Variants in ECT2L observed in about 807,000 individuals in gnomAD.
ECT2L encodes epithelial cell transforming 2 like.
ECT2L carries 126 observed loss-of-function variants against 122.8 expected under a neutral mutation model. That is an observed-to-expected ratio of 1.03 (90% CI 0.89 to 1.19). ECT2L has a LOEUF of 1.19. Ranked by LOEUF, ECT2L falls within the 50% of genes most tolerant of loss-of-function variation. The probability of loss-of-function intolerance (pLI) is 0.00; values close to 1 mark genes in which losing one functional copy is unlikely to be tolerated. For missense variants in ECT2L, 1,012 were observed against 1,064.1 expected, an observed-to-expected ratio of 0.95 and a Z score of 0.68; for synonymous variants, 385 against 381.8, an observed-to-expected ratio of 1.01 and a Z score of -0.10.
intron 1 of ECT2L, among the ~76,000 whole-genome samples, chr6:138,807,944 C>T (rs1307796673): frequency 1.3e-5 from 2 of 151,836 alleles, no homozygotes; most frequent in African/African-American, 2.4e-5. Flanking sequence ...GTCCTGATAT[C>T]AAGTAGAGTA....
At chr6:138,899,145 C>T (rs886322136) in intron 20 of ECT2L, among the ~76,000 whole-genome samples, 1 of 141,458 alleles carries the variant, frequency 7.1e-6, no homozygotes, top group African/African-American at 2.6e-5. Context: ...TTCACAGTGG[C>T]AATACAGAAA....
At chr6:138,893,304 G>A (rs1291313227) in intron 20 of ECT2L, among the ~76,000 whole-genome samples, 1 of 151,622 alleles carries the variant, frequency 6.6e-6, no homozygotes, top group Non-Finnish European at 1.5e-5. Context: ...AGTTGGTTAG[G>A]TTCTAGTACA....
chr6:138,816,258 T>C (rs1347467476), intron 4 of ECT2L, among the ~76,000 whole-genome samples: 1 of 152,192 alleles, frequency 6.6e-6, no homozygotes, highest in Non-Finnish European at 1.5e-5. Flanking sequence ...AGAGATCTTA[T>C]GGTATATTTT....
chr6:138,857,979 A>G (rs1476353325), intron 10 of ECT2L, among the ~76,000 whole-genome samples: 3 of 152,194 alleles, frequency 2.0e-5, no homozygotes, highest in African/African-American at 4.8e-5. Context: ...GAAAAGAGGA[A>G]GCCCCTTATA....
chr6:138,863,861 G>A (rs549888573), intron 11 of ECT2L, among the ~76,000 whole-genome samples: 9 of 151,086 alleles, frequency 6.0e-5, no homozygotes, highest in Non-Finnish European at 1.0e-4. Context: ...TGATCCGCCC[G>A]CCTCAGCCTC....
intron 19 of ECT2L, 62 bp from the exon 20 acceptor site, chr6:138,888,881 G>A (rs1778921579): frequency 1.4e-6 from 1 of 695,898 alleles, no homozygotes; most frequent in Admixed American, 3.1e-5. Context: ...AAAATGGTTT[G>A]CAGTAGTAAT....
intron 5 of ECT2L, among the ~76,000 whole-genome samples, chr6:138,839,869 A>G (rs942024244): frequency 6.6e-6 from 1 of 152,144 alleles, no homozygotes; most frequent in African/African-American, 2.4e-5. Flanking sequence ...ATAGCCTTGA[A>G]TTAATATTAT....
intron 4 of ECT2L, among the ~76,000 whole-genome samples, chr6:138,828,079 C>T (rs1017922820): frequency 1.3e-5 from 2 of 151,996 alleles, no homozygotes; most frequent in African/African-American, 2.4e-5. Context: ...CTATCCCTCC[C>T]CCCACCGCAT....
At chr6:138,800,571 C>T (rs1775508227) in intron 1 of ECT2L, among the ~76,000 whole-genome samples, 1 of 152,154 alleles carries the variant, frequency 6.6e-6, no homozygotes, top group South Asian at 2.1e-4. Flanking sequence ...GTCAAATCTA[C>T]ATTTAATTCA....
At chr6:138,808,300 AG>A (rs1775777005) in intron 1 of ECT2L, among the ~76,000 whole-genome samples, 1 of 152,116 alleles carries the variant, frequency 6.6e-6, no homozygotes, top group African/African-American at 2.4e-5. Flanking sequence ...GCTGGAGTGC[AG>A]GGACAAGATA....
At chr6:138,902,169 G>A (rs1779418120) in intron 21 of ECT2L, among the ~76,000 whole-genome samples, 1 of 152,172 alleles carries the variant, frequency 6.6e-6, no homozygotes, top group Non-Finnish European at 1.5e-5. Context: ...CTAGCTCTTA[G>A]CATCTTTATT....
intron 4 of ECT2L, among the ~76,000 whole-genome samples, chr6:138,828,076 TC>T (rs1403312078): frequency 4.0e-5 from 6 of 151,664 alleles, no homozygotes; most frequent in East Asian, 3.9e-4. Flanking sequence ...ATGCTATCCC[TC>T]CCCCCACCGC....
chr6:138,847,354 ACTTTTTTTTTT>A (rs1777260845), intron 8 of ECT2L, among the ~76,000 whole-genome samples: 1 of 111,016 alleles, frequency 9.0e-6, no homozygotes, highest in African/African-American at 4.0e-5. Context: ...AAAGGCCCAA[ACTTTTTTTTTT>A]TTTTTTTTTT....
At chr6:138,868,811 G>A (rs148110038) in intron 13 of ECT2L, among the ~76,000 whole-genome samples, 2 of 152,310 alleles carry the variant, frequency 1.3e-5, no homozygotes, top group East Asian at 3.9e-4. Flanking sequence ...TCAGAAAATA[G>A]TGAGGAGAGG....
intron 4 of ECT2L, among the ~76,000 whole-genome samples, chr6:138,835,677 TG>T (rs1776810429): frequency 6.6e-6 from 1 of 152,214 alleles, no homozygotes. Context: ...TGTCAATGTG[TG>T]TTTCCTAAAA....
intron 13 of ECT2L, among the ~76,000 whole-genome samples, chr6:138,871,502 G>A (rs1778250115): frequency 6.6e-6 from 1 of 152,136 alleles, no homozygotes; most frequent in Non-Finnish European, 1.5e-5. Flanking sequence ...CACACGGCCT[G>A]CCGTCATTAA....
rs535844392 is a variant in ECT2L at position 138,899,210 on chromosome 6, T to G, written c.2415-1738T>G. Among the ~76,000 whole-genome samples, 9 of 151,690 alleles carry G rather than the reference T, an allele frequency of 5.9e-5. No individual in the cohort carries two copies. In the South Asian group the frequency reaches 1.9e-3, roughly 32 times the overall value. ...GGAAAAAAAGGAGGGGACCCAAGCC[T>G]CTAAACAAAGCAAATGTCCATCAAA... On this transcript the variant is annotated intron_variant, in intron 20 of 21. Transcript: ENST00000541398.
At chr6:138,803,635 TA>T (rs1775617988) in intron 1 of ECT2L, among the ~76,000 whole-genome samples, 2 of 152,128 alleles carry the variant, frequency 1.3e-5, no homozygotes, top group African/African-American at 4.8e-5. Context: ...ATTATTATAA[TA>T]TAGTTTGCCA....
Position 138,900,816 on chromosome 6 carries a change from C to T in ECT2L, c.2415-132C>T, listed in dbSNP as rs1779371487. The T allele has an allele frequency of 4.1e-6, 4 of 984,952 alleles. No individual in the cohort carries two copies. In the South Asian group the frequency reaches 5.3e-5, roughly 13 times the overall value. 61.0% of individuals were successfully genotyped at this position (984,952 alleles called of 1,614,324 possible). ...AGGAGGAATATTATACTGAGAACTT[C>T]AACCAGCCATTCAAAATGTCAGTAG... On this transcript the variant is annotated intron_variant, in intron 20 of 21. Coordinates refer to ENST00000541398, the MANE Select transcript of ECT2L (RefSeq NM_001077706.3).
Sources: gnomAD v4.1 joint callset for allele counts (sites outside exome capture counted in the v4.1 genomes callset) on GRCh38, gnomAD v4.1.1 for gene constraint, MANE v1.5 for transcripts, NCBI Gene and HGNC (gene_info 2026-07-23, HGNC 2026-07-21) for gene names.